Variants in PSMD1 observed in about 807,000 individuals in gnomAD.
PSMD1 encodes the protein 26S proteasome non-ATPase regulatory subunit 1.
In PSMD1, 18 loss-of-function variants were observed where a neutral mutation model predicts 119.0. The observed-to-expected ratio is 0.15, with a 90% CI of 0.10 to 0.22. PSMD1 has a LOEUF of 0.22. Among genes scored for constraint, PSMD1 ranks in the 10% least tolerant of loss-of-function variants. PSMD1 has a pLI of 1.00. For missense variants in PSMD1, 702 were observed against 1,158.5 expected (o/e 0.61, Z 5.72); for synonymous variants, 374 against 396.6 (o/e 0.94, Z 0.68).
chr2:231,165,376 G>C, intron 22 of PSMD1, 90 bp downstream of exon 22: 1 of 1,348,622 alleles, frequency 7.4e-7, no homozygotes, highest in Non-Finnish European at 9.7e-7. Context: ...ATTCTACCTT[G>C]CTCTTGGCTT....
chr2:231,126,808 G>A (rs77869495), intron 16 of PSMD1, among the ~76,000 whole-genome samples: 3,630 of 151,894 alleles, frequency 0.024, 144 homozygotes, highest in African/African-American at 0.084. Context: ...TCTAAGGAAC[G>A]TAACTAGTTA....
intron 16 of PSMD1, among the ~76,000 whole-genome samples, chr2:231,119,238 A>G (rs866721001): frequency 1.3e-5 from 2 of 152,204 alleles, no homozygotes; most frequent in Middle Eastern, 3.2e-3. Flanking sequence ...TACTGCATAA[A>G]TGAATAACTG....
intron 16 of PSMD1, among the ~76,000 whole-genome samples, chr2:231,096,649 G>A (rs1027848232): frequency 2.0e-5 from 3 of 152,228 alleles, no homozygotes; most frequent in African/African-American, 7.2e-5. Flanking sequence ...TCTCAGCAAG[G>A]CAAGTTACTT....
intron 5 of PSMD1, 125 bp downstream of exon 5, chr2:231,067,236 G>T: frequency 1.4e-6 from 1 of 694,668 alleles, no homozygotes; most frequent in Non-Finnish European, 2.3e-6. Context: ...GTGATCTTTT[G>T]CCAAATATTT....
At position 231,163,640 on chromosome 2, in the gene PSMD1, G is replaced by A; in HGVS notation, c.2394G>A (p.Pro798=). The A allele has an allele frequency of 1.2e-6, 2 of 1,609,276 alleles. No individual in the cohort carries two copies. The highest frequency in any genetic ancestry group is 1.7e-6 in the Non-Finnish European group (2 of 1,176,314). The change falls in exon 21 of 25, where the codon CCG becomes CCA. Residue 798 remains proline, a synonymous_variant. Coordinates refer to ENST00000308696, the MANE Select transcript of PSMD1 (RefSeq NM_002807.4). ...TTTTAATGGAATTTCTTCAGATGCC[G>A]AAAGTTCAGTATAAATCGAACTGTA... The part of the protein sequence containing the change: ...VIGLNKDLKM[P]KVQYKSNCKP...
intron 16 of PSMD1, among the ~76,000 whole-genome samples, chr2:231,119,825 A>C (rs942492095): frequency 7.0e-6 from 1 of 142,466 alleles, no homozygotes; most frequent in African/African-American, 2.7e-5. Flanking sequence ...AACTGAGATC[A>C]TGCCACTGCC....
At chr2:231,080,541 C>T (rs1171619696) in intron 12 of PSMD1, among the ~76,000 whole-genome samples, 1 of 151,792 alleles carries the variant, frequency 6.6e-6, no homozygotes, top group African/African-American at 2.4e-5. Flanking sequence ...TGTTGTTTTC[C>T]CACACTTTCA....
intron 1 of PSMD1, 149 bp downstream of exon 1, chr2:231,057,190 G>C (rs1179704852): frequency 2.0e-6 from 2 of 1,005,394 alleles, no homozygotes; most frequent in Non-Finnish European, 2.7e-6. Flanking sequence ...GGGCCGGGGG[G>C]CTGGGAGTCT....
intron 16 of PSMD1, chr2:231,123,516 C>A: frequency 6.2e-7 from 1 of 1,614,038 alleles, no homozygotes. Context: ...ACTGCAGCTT[C>A]TTCTCCAGTG....
At chr2:231,161,271 G>A (rs140397346) in intron 19 of PSMD1, 69 bp from the exon 20 acceptor site, 17 of 1,225,092 alleles carry the variant, frequency 1.4e-5, no homozygotes, top group Admixed American at 2.5e-5. Context: ...GAAAGATATC[G>A]TTATTATTGT....
intron 16 of PSMD1, among the ~76,000 whole-genome samples, chr2:231,114,802 C>T (rs921159480): frequency 4.6e-5 from 7 of 152,122 alleles, no homozygotes; most frequent in African/African-American, 1.4e-4. Context: ...GATGTTCATA[C>T]ATATGTGAAT....
At chr2:231,107,831 A>G (rs1341598672) in intron 16 of PSMD1, among the ~76,000 whole-genome samples, 1 of 152,180 alleles carries the variant, frequency 6.6e-6, no homozygotes, top group African/African-American at 2.4e-5. Flanking sequence ...CCCAAGAGCG[A>G]TTTTATTTGC....
At chr2:231,083,813 A>C (rs1473849710) in intron 14 of PSMD1, 50 bp downstream of exon 14, 1 of 1,562,636 alleles carries the variant, frequency 6.4e-7, no homozygotes. Flanking sequence ...GCATGTAAAA[A>C]ACACTTAACT....
chr2:231,172,023 T>C (rs1251815827), intron 24 of PSMD1, among the ~76,000 whole-genome samples: 1 of 152,136 alleles, frequency 6.6e-6, no homozygotes, highest in South Asian at 2.1e-4. Flanking sequence ...AGTAGGAAAA[T>C]ATATTTATAC....
intron 21 of PSMD1, among the ~76,000 whole-genome samples, chr2:231,164,029 AT>A (rs533093127): frequency 2.0e-4 from 31 of 151,590 alleles, no homozygotes; most frequent in East Asian, 9.7e-4. Context: ...CATTAACTAT[AT>A]TTTTTTTTAT....
At chr2:231,092,040 A>G (rs1213447392) in intron 16 of PSMD1, among the ~76,000 whole-genome samples, 3 of 152,184 alleles carry the variant, frequency 2.0e-5, no homozygotes, top group Non-Finnish European at 4.4e-5. Context: ...AGTTACCTAC[A>G]AAGGTAGCTG....
chr2:231,124,042 G>A (rs2125234226), intron 16 of PSMD1: 1 of 364,682 alleles, frequency 2.7e-6, no homozygotes, highest in African/African-American at 2.1e-5. Context: ...GAAAAAAATA[G>A]GATATATATA....
chr2:231,103,605 A>C (rs1309460710), intron 16 of PSMD1, among the ~76,000 whole-genome samples: 1 of 152,112 alleles, frequency 6.6e-6, no homozygotes, highest in Non-Finnish European at 1.5e-5. Context: ...ATACTTCATC[A>C]TTTACATTCT....
At chr2:231,124,747 C>T (rs1472190079) in intron 16 of PSMD1, among the ~76,000 whole-genome samples, 1 of 151,646 alleles carries the variant, frequency 6.6e-6, no homozygotes, top group African/African-American at 2.4e-5. Flanking sequence ...TTTAACCTTC[C>T]CAGTTGCCTT....
Sources: gnomAD v4.1 joint callset for allele counts (sites outside exome capture counted in the v4.1 genomes callset) on GRCh38, gnomAD v4.1.1 for gene constraint, MANE v1.5 for transcripts, NCBI Gene and HGNC (gene_info 2026-07-23, HGNC 2026-07-21) for gene names.